EYS: variants seen among roughly 807,000 people sequenced by gnomAD.
EYS encodes the protein protein eyes shut homolog.
EYS carries 250 observed loss-of-function variants against 282.1 expected under a neutral mutation model. The observed-to-expected ratio is 0.89, with a 90% CI of 0.80 to 0.98. EYS has a LOEUF of 0.98. EYS is among the 50% of genes least tolerant of loss of function. EYS has a pLI of 0.00. For missense variants in EYS, 4,016 were observed against 3,709.0 expected, an observed-to-expected ratio of 1.08 and a Z score of -2.15; for synonymous variants, 1,355 against 1,282.9, an observed-to-expected ratio of 1.06 and a Z score of -1.20.
chr6:64,685,733 T>C (rs1404674175), intron 22 of EYS, among the ~76,000 whole-genome samples: 1 of 152,182 alleles, frequency 6.6e-6, no homozygotes, highest in Non-Finnish European at 1.5e-5. Context: ...TATGCCTTTA[T>C]AGCAACACAA....
chr6:64,481,310 T>C (rs1412993285), intron 26 of EYS, among the ~76,000 whole-genome samples: 2 of 148,378 alleles, frequency 1.3e-5, no homozygotes, highest in South Asian at 2.1e-4. Context: ...TTAGAGAGCA[T>C]AGAAAAAGCA....
intron 8 of EYS, among the ~76,000 whole-genome samples, chr6:65,359,589 T>C (rs1764620593): frequency 6.6e-6 from 1 of 152,044 alleles, no homozygotes; most frequent in Non-Finnish European, 1.5e-5. Flanking sequence ...TTATGGCATA[T>C]ACCTAGAATT....
At chr6:65,143,261 GAT>G (rs1764393890) in intron 12 of EYS, among the ~76,000 whole-genome samples, 1 of 137,698 alleles carries the variant, frequency 7.3e-6, no homozygotes, top group African/African-American at 2.9e-5. Flanking sequence ...CAGACTGAAA[GAT>G]TTTTTTTTTT....
At chr6:65,440,621 AT>A (rs1368783024) in intron 5 of EYS, among the ~76,000 whole-genome samples, 2 of 151,096 alleles carry the variant, frequency 1.3e-5, no homozygotes, top group African/African-American at 2.4e-5. Flanking sequence ...TCTTCCCCAC[AT>A]TTCCTCCATA....
At chr6:64,887,050 A>G (rs1767114346) in intron 18 of EYS, among the ~76,000 whole-genome samples, 1 of 151,874 alleles carries the variant, frequency 6.6e-6, no homozygotes, top group Non-Finnish European at 1.5e-5. Flanking sequence ...GAAATTTTGA[A>G]AAACAATGTG....
chr6:64,155,702 C>A (rs936826914), intron 31 of EYS, among the ~76,000 whole-genome samples: 1 of 151,956 alleles, frequency 6.6e-6, no homozygotes, highest in Admixed American at 6.6e-5. Flanking sequence ...TGGGGTAAGG[C>A]GAACGATGTT....
intron 12 of EYS, among the ~76,000 whole-genome samples, chr6:65,263,786 A>G (rs1207969358): frequency 6.6e-6 from 1 of 151,512 alleles, no homozygotes; most frequent in Non-Finnish European, 1.5e-5. Flanking sequence ...TGCGCTTGTC[A>G]GTTACTTGAT....
intron 35 of EYS, among the ~76,000 whole-genome samples, chr6:63,884,876 G>A (rs972316904): frequency 6.6e-6 from 1 of 151,716 alleles, no homozygotes; most frequent in Non-Finnish European, 1.5e-5. Flanking sequence ...TGAAAATTGT[G>A]TATCAATTGG....
intron 22 of EYS, among the ~76,000 whole-genome samples, chr6:64,773,405 C>T (rs1587125): frequency 0.32 from 48,586 of 151,514 alleles, 8,869 homozygotes; most frequent in East Asian, 0.51. Flanking sequence ...TGGTTCCATG[C>T]TTTTGCCACC....
chr6:65,587,513 G>C (rs1765094319), intron 2 of EYS, among the ~76,000 whole-genome samples: 1 of 152,046 alleles, frequency 6.6e-6, no homozygotes, highest in South Asian at 2.1e-4. Flanking sequence ...TGAAGAAAGA[G>C]GTGATTGCTT....
At chr6:64,210,120 T>C (rs1169347788) in intron 31 of EYS, among the ~76,000 whole-genome samples, 1 of 152,186 alleles carries the variant, frequency 6.6e-6, no homozygotes, top group Non-Finnish European at 1.5e-5. Context: ...CTGCTCTGAT[T>C]TATTTTCTTT....
intron 22 of EYS, among the ~76,000 whole-genome samples, chr6:64,779,881 A>T (rs1189375412): frequency 6.6e-6 from 1 of 152,236 alleles, no homozygotes; most frequent in Non-Finnish European, 1.5e-5. Flanking sequence ...GAACTGGTTT[A>T]GTAATTACTA....
chr6:64,027,848 C>T (rs1000523819), intron 33 of EYS, among the ~76,000 whole-genome samples: 9 of 152,186 alleles, frequency 5.9e-5, no homozygotes, highest in Non-Finnish European at 1.2e-4. Flanking sequence ...CTCATGTCAT[C>T]ACCCTCACTG....
intron 31 of EYS, among the ~76,000 whole-genome samples, chr6:64,117,749 A>G (rs1385758806): frequency 1.3e-5 from 2 of 151,952 alleles, no homozygotes; most frequent in Non-Finnish European, 2.9e-5. Flanking sequence ...ATTGGAAAGA[A>G]GGAAGTTAGA....
At chr6:63,930,975 C>G (rs1435770097) in intron 35 of EYS, among the ~76,000 whole-genome samples, 1 of 152,162 alleles carries the variant, frequency 6.6e-6, no homozygotes, top group East Asian at 1.9e-4. Context: ...AAGAGTGCAG[C>G]CCTTCCTTTG....
At chr6:64,944,228 A>T (rs1042541501) in intron 15 of EYS, among the ~76,000 whole-genome samples, 2 of 152,048 alleles carry the variant, frequency 1.3e-5, no homozygotes, top group Non-Finnish European at 2.9e-5. Flanking sequence ...CCCAGGATGG[A>T]CTAAATATAT....
intron 5 of EYS, among the ~76,000 whole-genome samples, chr6:65,406,329 T>A (rs1013594572): frequency 1.3e-5 from 2 of 152,092 alleles, no homozygotes; most frequent in Non-Finnish European, 2.9e-5. Context: ...TGAATAAAAG[T>A]CCTTTATGAT....
At chr6:65,196,354 T>C (rs1265449225) in intron 12 of EYS, among the ~76,000 whole-genome samples, 1 of 152,098 alleles carries the variant, frequency 6.6e-6, no homozygotes, top group African/African-American at 2.4e-5. Context: ...AGTTACCACA[T>C]ATTATTTATA....
chr6:65,575,679 A>T (rs2127356214), intron 2 of EYS, among the ~76,000 whole-genome samples: 1 of 152,126 alleles, frequency 6.6e-6, no homozygotes. Context: ...TAAACTAAAC[A>T]AAATTGACTA....
Sources: gnomAD v4.1 joint callset for allele counts (sites outside exome capture counted in the v4.1 genomes callset) on GRCh38, gnomAD v4.1.1 for gene constraint, MANE v1.5 for transcripts, NCBI Gene and HGNC (gene_info 2026-07-23, HGNC 2026-07-21) for gene names.